RGS18: variants seen among roughly 807,000 people sequenced by gnomAD.
The protein encoded by RGS18 is regulator of G-protein signaling 18.
A neutral mutation model predicts 27.6 loss-of-function variants in RGS18; 22 were observed. The ratio of observed to expected loss-of-function variants is 0.80; its 90% CI spans 0.57 to 1.14. The LOEUF is 1.14. Ranked by LOEUF, RGS18 falls within the 50% of genes most tolerant of loss-of-function variation. The pLI is 0.00. For synonymous variants in RGS18, 89 were observed against 84.6 expected (o/e 1.05, Z -0.29); for missense variants, 299 against 269.6 (o/e 1.11, Z -0.76).
chr1:192,181,672 A>G (rs1260943422), intron 4 of RGS18, among the ~76,000 whole-genome samples: 1 of 151,624 alleles, frequency 6.6e-6, no homozygotes, highest in Admixed American at 6.6e-5. Context: ...ATATTCATCA[A>G]ATTAAACATT....
intron 3 of RGS18, among the ~76,000 whole-genome samples, chr1:192,170,914 A>G (rs760806789): frequency 6.6e-6 from 1 of 152,140 alleles, no homozygotes; most frequent in Non-Finnish European, 1.5e-5. Flanking sequence ...AACTGCTTTT[A>G]TACAAGTCCA....
At chr1:192,163,736 G>A (rs1173005948) in intron 3 of RGS18, 1 of 151,524 alleles carries the variant, frequency 6.6e-6, no homozygotes, top group Admixed American at 6.6e-5. Flanking sequence ...TTATTACAAT[G>A]CTTATAATAA....
At chr1:192,161,719 G>T (rs982464079) in intron 3 of RGS18, among the ~76,000 whole-genome samples, 3 of 152,066 alleles carry the variant, frequency 2.0e-5, no homozygotes, top group Admixed American at 2.0e-4. Flanking sequence ...AGCGTTGCCC[G>T]TGTCTTTCAC....
chr1:192,181,303 G>A lies in RGS18; in HGVS notation c.295G>A (p.Ala99Thr). 1 of 1,506,646 alleles carries A rather than the reference G, an allele frequency of 6.6e-7. No individual in the cohort carries two copies. The highest frequency in any genetic ancestry group is 9.0e-7 in the Non-Finnish European group (1 of 1,109,962). The allele number at this position is 1,506,646 out of a possible 1,614,324, so 93.3% of individuals were successfully genotyped here. A position where few individuals can be genotyped will look rare whatever the true frequency, so the allele number is the denominator to read the frequency against. The change falls in exon 4 of 5, where the codon GCT becomes ACT. Residue 99 changes from alanine (A) to threonine (T), a missense_variant. Physicochemically the swap from Ala to Thr is moderately conservative, Grantham distance 58. Transcript: ENST00000367460. ...TATTTTCTTGATAGATGGACTAGAG[G>A]CTTTTACCAGATTTCTTAAAACTGA... ...KLLSHRDGLE[A>T]FTRFLKTEFS... is the part of the protein sequence containing the mutation.
intron 3 of RGS18, among the ~76,000 whole-genome samples, chr1:192,167,565 G>A (rs1656184193): frequency 6.6e-6 from 1 of 151,818 alleles, no homozygotes; most frequent in South Asian, 2.1e-4. Flanking sequence ...GATTTCAGAA[G>A]CGCACCACCA....
chr1:192,181,550 AT>A, intron 4 of RGS18, 92 bp downstream of exon 4: 1 of 830,524 alleles, frequency 1.2e-6, no homozygotes, highest in Non-Finnish European at 1.8e-6. Context: ...TTTCCAACTT[AT>A]TTTTATTAAT....
Position 192,170,619 on chromosome 1 carries a change from C to G in RGS18, c.283+10180C>G, listed in dbSNP as rs140844299. Among the ~76,000 whole-genome samples, 3 of 151,628 alleles carry G rather than the reference C, an allele frequency of 2.0e-5. No individual in the cohort carries two copies. The East Asian group carries it at 5.8e-4, about 30-fold the overall frequency. On this transcript the variant is annotated intron_variant, in intron 3 of 4. Coordinates refer to ENST00000367460, the MANE Select transcript of RGS18 (RefSeq NM_130782.3). ...GCATGTCAGCATGTTTTGTCTTAGT[C>G]TCCTTATTTTATTCCAAGATCATTA... is the stretch of plus-strand genomic sequence containing the variant.
chr1:192,162,695 C>T (rs1445173421), intron 3 of RGS18, among the ~76,000 whole-genome samples: 3 of 152,168 alleles, frequency 2.0e-5, no homozygotes, highest in African/African-American at 7.2e-5. Context: ...CAGATATGCT[C>T]TTTATAGATT....
intron 3 of RGS18, among the ~76,000 whole-genome samples, chr1:192,179,918 A>G (rs111613773): frequency 1.3e-5 from 2 of 151,568 alleles, no homozygotes; most frequent in Admixed American, 6.6e-5. Context: ...GTGATATTTC[A>G]CTGTAGTTTT....
At chr1:192,170,349 C>T (rs192099361) in intron 3 of RGS18, among the ~76,000 whole-genome samples, 11 of 152,076 alleles carry the variant, frequency 7.2e-5, no homozygotes, top group Admixed American at 5.9e-4. Flanking sequence ...CAGTAATAAG[C>T]GAGTTATCAT....
At chr1:192,166,303 T>C (rs1325024812) in intron 3 of RGS18, among the ~76,000 whole-genome samples, 1 of 152,080 alleles carries the variant, frequency 6.6e-6, no homozygotes, top group Non-Finnish European at 1.5e-5. Context: ...TAAATAGATG[T>C]ATGCAATAAT....
rs186591049 is a variant in RGS18, at chr1:192,185,112, A to C, written c.*558A>C. The C allele has an allele frequency of 6.6e-6, 1 of 152,522 alleles. No homozygotes were observed. The highest frequency in any genetic ancestry group is 2.0e-4 in the South Asian group (1 of 4,884). The allele number at this position is 152,522 out of a possible 1,614,324, so 9.4% of individuals were successfully genotyped here. ...GAATAGTAATATCACCTCTAGTTAT[A>C]AGCCAGCAACAGGAACTTTTGTGAA... On this transcript the variant is annotated 3_prime_UTR_variant, in exon 5 of 5. Coordinates refer to ENST00000367460, the MANE Select transcript of RGS18 (RefSeq NM_130782.3).
rs764761352 is a variant in RGS18, at chr1:192,181,458, G to A, written c.450G>A (p.Glu150=). 3 of 1,517,542 alleles carry A rather than the reference G, an allele frequency of 2.0e-6. No homozygotes were observed. Among genetic ancestry groups the A allele is most frequent in the Admixed American group, 2.4e-5 (1 of 41,232 alleles). 94.0% of individuals were successfully genotyped at this position (1,517,542 alleles called of 1,614,324 possible). Residue 150 remains glutamate (E), a splice_region_variant and synonymous_variant, in exon 4 of 5, where the codon GAG becomes GAA. Transcript: ENST00000367460. ...EKFIQTDAPK[E]VNLDFHTKEV... ...TTATACAGACTGATGCCCCAAAAGA[G>A]GTACAGTAAAGATAACTGTAAAAAT...
chr1:192,184,175 A>G, intron 4 of RGS18, 122 bp from the exon 5 acceptor site: 1 of 853,080 alleles, frequency 1.2e-6, no homozygotes. Context: ...ACACACATCC[A>G]AACTATATCT....
At chr1:192,164,225 G>A (rs921889406) in intron 3 of RGS18, among the ~76,000 whole-genome samples, 15 of 152,004 alleles carry the variant, frequency 9.9e-5, no homozygotes, top group Admixed American at 2.0e-4. Flanking sequence ...TTCACTAGCC[G>A]AACAAGGACA....
intron 3 of RGS18, among the ~76,000 whole-genome samples, chr1:192,175,032 C>T (rs938227480): frequency 6.6e-6 from 1 of 151,796 alleles, no homozygotes; most frequent in African/African-American, 2.4e-5. Context: ...CAACTGTCTG[C>T]TAGCATATCC....
Position 192,158,603 on chromosome 1 carries a change from TAATA to T in RGS18, c.-31_-28del. ...TTAATAAATGAACTAGGGAAGGATG[TAATA>T]AATTAGACATCTCTTCATTTTAGAG... On this transcript the variant is annotated 5_prime_UTR_variant, in exon 1 of 5. The change abolishes the stop of an existing upstream ORF in the 5' untranslated region. Transcript: ENST00000367460. 6.7e-7 allele frequency: 1 copy of T among 1,499,618 alleles called. No homozygotes were observed. The allele number at this position is 1,499,618 out of a possible 1,614,324, so 92.9% of individuals were successfully genotyped here.
At chr1:192,159,828 A>C (rs1029824800) in intron 2 of RGS18, among the ~76,000 whole-genome samples, 1 of 152,136 alleles carries the variant, frequency 6.6e-6, no homozygotes, top group Non-Finnish European at 1.5e-5. Context: ...GATCCGAGAA[A>C]ATATATTCAA....
chr1:192,168,958 TG>T (rs1374449554), intron 3 of RGS18: 1 of 152,202 alleles, frequency 6.6e-6, no homozygotes. Flanking sequence ...AATGGAATTG[TG>T]CCAATAAAAG....
Sources: allele counts gnomAD v4.1 joint callset (sites outside exome capture counted in the v4.1 genomes callset), GRCh38; gene constraint gnomAD v4.1.1; transcripts MANE v1.5; gene names NCBI Gene and HGNC (gene_info 2026-07-23, HGNC 2026-07-21).